PDE6B: variants seen among roughly 807,000 people sequenced by gnomAD.
The protein encoded by PDE6B is phosphodiesterase 6B.
PDE6B carries 106 observed loss-of-function variants against 109.0 expected under a neutral mutation model. That is an observed-to-expected ratio of 0.97 (90% CI 0.83 to 1.14). The LOEUF (loss-of-function observed/expected upper bound fraction) is 1.14, where lower values mean the gene tolerates loss of function less well. Ranked by LOEUF, PDE6B falls within the 50% of genes most tolerant of loss-of-function variation. The pLI is 0.00. For missense variants in PDE6B, 1,193 were observed against 1,155.6 expected, an observed-to-expected ratio of 1.03 and a Z score of -0.47; for synonymous variants, 490 against 471.3, an observed-to-expected ratio of 1.04 and a Z score of -0.51.
chr4:634,367 C>A (rs925142320), intron 1 of PDE6B, among the ~76,000 whole-genome samples: 2 of 152,172 alleles, frequency 1.3e-5, no homozygotes, highest in African/African-American at 4.8e-5. Context: ...CCCGACGTGG[C>A]CGGAGGGCGG....
rs1008733684 is a variant in PDE6B at position 667,604 on chromosome 4, C to T, written c.2353-252C>T. 2.2e-4 allele frequency among the ~76,000 whole-genome samples: 34 copies of T among 152,294 alleles called. 1 individual carries two copies. Among genetic ancestry groups the T allele is most frequent in the African/African-American group, 7.9e-4 (33 of 41,560 alleles). ...CACCCCCTGAGCTGTTCTGCTCATT[C>T]TTGGGTTCCTCTCCCTGCAACACTG... On this transcript the variant is annotated intron_variant, in intron 20 of 21. Transcript: ENST00000496514.
At chr4:653,316 T>C (rs1315458787) in intron 3 of PDE6B, 2 of 1,048,414 alleles carry the variant, frequency 1.9e-6, no homozygotes, top group East Asian at 1.7e-4. Flanking sequence ...AGGAGGGCCC[T>C]GGGGTGAGTC....
At position 670,047 on chromosome 4, in the gene PDE6B, A is replaced by AG; in HGVS notation, c.2507dup (p.Thr837HisfsTer55). On this transcript the variant is annotated frameshift_variant and splice_region_variant, in exon 22 of 22. Transcript: ENST00000496514. LOFTEE classifies it high-confidence loss of function. ...ACCATCTTCTGTCTTCTCTTGCAGTAGGCACAGAAATTTGCAATGGCGGCC... is the reference window on the plus strand; with the variant it reads ...ACCATCTTCTGTCTTCTCTTGCAGTAGGGCACAGAAATTTGCAATGGCGGCC... The AG allele has an allele frequency of 6.2e-7, 1 of 1,612,248 alleles. No individual in the cohort carries two copies. Among genetic ancestry groups the AG allele is most frequent in the Non-Finnish European group, 8.5e-7 (1 of 1,178,818 alleles).
At chr4:627,727 G>A (rs7669178) in intron 1 of PDE6B, among the ~76,000 whole-genome samples, 2 of 148,738 alleles carry the variant, frequency 1.3e-5, no homozygotes, top group Non-Finnish European at 3.0e-5. Context: ...CATCCTCCCC[G>A]TCTCCCTTCC....
Position 656,026 on chromosome 4 carries a change from G to C in PDE6B, c.1059+20G>C, listed in dbSNP as rs1254388715. The C allele has an allele frequency of 6.6e-7, 1 of 1,517,110 alleles. No individual in the cohort carries two copies. The highest frequency in any genetic ancestry group is 9.2e-7 in the Non-Finnish European group (1 of 1,092,826). The allele number at this position is 1,517,110 out of a possible 1,614,324, so 94.0% of individuals were successfully genotyped here. On this transcript the variant is annotated intron_variant, in intron 7 of 21. Coordinates refer to ENST00000496514, the MANE Select transcript of PDE6B (RefSeq NM_000283.4). The stretch of plus-strand genomic sequence containing the variant: ...GGCTTTGTGAGTCCCGTGCTGTCTG[G>C]AGTCCCCACAGCCTTGCCCTCACTG...
rs569752180 is a variant in PDE6B at position 633,924 on chromosome 4, G to C, written c.469-753G>C. Among the ~76,000 whole-genome samples, 10 of 152,100 alleles carry C rather than the reference G, an allele frequency of 6.6e-5. No homozygotes were observed. The South Asian group carries it at 1.9e-3, about 28-fold the overall frequency. ...AGCTGAGGCAGAGCTCAGCTGACCT[G>C]TTCCTTGAGGGGCCGGAACCTAAGA... On this transcript the variant is annotated intron_variant, in intron 1 of 21. Coordinates refer to ENST00000496514, the MANE Select transcript of PDE6B (RefSeq NM_000283.4). This position sits in a 1 kb window ranked among gnomAD's most constrained non-coding sequence, Gnocchi z 4.5.
chr4:634,896 C>A, intron 2 of PDE6B, 67 bp downstream of exon 2: 3 of 1,383,560 alleles, frequency 2.2e-6, no homozygotes, highest in Non-Finnish European at 3.1e-6. Flanking sequence ...CCCGCCTGTT[C>A]TGTGCTGCGC....
intron 20 of PDE6B, 26 bp from the exon 21 acceptor site, chr4:667,830 G>C (rs773464078): frequency 6.2e-7 from 1 of 1,609,966 alleles, no homozygotes; most frequent in Non-Finnish European, 8.5e-7. Flanking sequence ...GGACAGGACT[G>C]GTGGTGACTT....
At chr4:629,735 G>A (rs1734290060) in intron 1 of PDE6B, among the ~76,000 whole-genome samples, 1 of 152,372 alleles carries the variant, frequency 6.6e-6, no homozygotes, top group South Asian at 2.1e-4. Context: ...GATAGAGGGA[G>A]GAGGGTGGCA....
chr4:655,721 T>G (rs1042583207), intron 6 of PDE6B: 2 of 632,246 alleles, frequency 3.2e-6, no homozygotes, highest in African/African-American at 3.6e-5. Flanking sequence ...ACACGCCCAG[T>G]CCATCTGACC....
At position 655,934 on chromosome 4, in the gene PDE6B, C is replaced by T; in HGVS notation, c.993-6C>T. 1 of 1,599,446 alleles carries T rather than the reference C, an allele frequency of 6.3e-7. No homozygotes were observed. Among genetic ancestry groups the T allele is most frequent in the Non-Finnish European group, 8.6e-7 (1 of 1,167,000 alleles). ...GGCCTATCTGACCCCTGCTCTCTGC[C>T]CACAGCACACCCTCAGCCGATCACT... On this transcript the variant is annotated splice_polypyrimidine_tract_variant and splice_region_variant and intron_variant, in intron 6 of 21. Coordinates refer to ENST00000496514, the MANE Select transcript of PDE6B (RefSeq NM_000283.4).
chr4:658,748 T>G (rs1736673563), intron 10 of PDE6B, among the ~76,000 whole-genome samples: 2 of 152,148 alleles, frequency 1.3e-5, no homozygotes, highest in South Asian at 4.1e-4. Flanking sequence ...CGTAAGGCAG[T>G]GCCCGAGAGA....
At position 666,776 on chromosome 4, in the gene PDE6B, G is replaced by A. The variant is rs1737852813; in HGVS notation, c.2352+162G>A. 6.6e-6 allele frequency among the ~76,000 whole-genome samples: 1 copy of A among 152,134 alleles called. No homozygotes were observed. The highest frequency in any genetic ancestry group is 2.1e-4 in the South Asian group (1 of 4,826). On this transcript the variant is annotated intron_variant, in intron 20 of 21. Coordinates refer to ENST00000496514, the MANE Select transcript of PDE6B (RefSeq NM_000283.4). This position sits in a 1 kb window ranked among gnomAD's most constrained non-coding sequence, Gnocchi z 5.6. ...CGTGCCGCTCTTGAGTGGGGCAAAT[G>A]GGGAGGAACATCAGTTTCCGGACCC...
intron 3 of PDE6B, among the ~76,000 whole-genome samples, chr4:650,564 C>A (rs1735454269): frequency 6.6e-6 from 1 of 152,188 alleles, no homozygotes; most frequent in Non-Finnish European, 1.5e-5. Context: ...GGTCAGGGCA[C>A]CGAGGGGACA....
chr4:636,168 C>A lies in PDE6B; in HGVS notation c.711+199C>A, dbSNP rs1223655601. On this transcript the variant is annotated intron_variant, in intron 3 of 21. Coordinates refer to ENST00000496514, the MANE Select transcript of PDE6B (RefSeq NM_000283.4). This position sits in a 1 kb window ranked among gnomAD's most constrained non-coding sequence, Gnocchi z 4.5. ...CTGCAATGGCCAGACCCATCTGCCA[C>A]CTGCCTGCCATCTGGCCAGAGTGGG... Among the ~76,000 whole-genome samples the A allele has an allele frequency of 6.6e-6, 1 of 152,180 alleles. No homozygotes were observed. The highest frequency in any genetic ancestry group is 1.5e-5 in the Non-Finnish European group (1 of 68,030).
intron 3 of PDE6B, chr4:653,080 C>A: frequency 1.5e-6 from 1 of 669,592 alleles, no homozygotes; most frequent in African/African-American, 2.0e-5. Flanking sequence ...TCTCACTGCC[C>A]TTGGCAACAG....
At chr4:647,897 A>G (rs1735285533) in intron 3 of PDE6B, among the ~76,000 whole-genome samples, 1 of 151,842 alleles carries the variant, frequency 6.6e-6, no homozygotes, top group African/African-American at 2.4e-5. Flanking sequence ...AAATGGTGAA[A>G]CCCCATCTCT....
At chr4:637,120 T>C (rs751605567) in intron 3 of PDE6B, among the ~76,000 whole-genome samples, 1 of 152,258 alleles carries the variant, frequency 6.6e-6, no homozygotes, top group East Asian at 1.9e-4. Context: ...ATTTTATTTA[T>C]TTTCTTGCTC....
At chr4:654,593 T>A in intron 5 of PDE6B, 1 of 631,698 alleles carries the variant, frequency 1.6e-6, no homozygotes, top group Non-Finnish European at 2.9e-6. Context: ...GGTCTGCATG[T>A]GTGTGCACCC....
Sources: allele counts gnomAD v4.1 joint callset (sites outside exome capture counted in the v4.1 genomes callset), GRCh38; gene constraint gnomAD v4.1.1; non-coding constraint Gnocchi (gnomAD v3.1); transcripts MANE v1.5; gene names NCBI Gene and HGNC (gene_info 2026-07-23, HGNC 2026-07-21).